Variants in NPNT observed in about 807,000 individuals in gnomAD.
NPNT encodes preosteoblast EGF-like repeat protein with MAM domain.
Under a neutral mutation model 68.6 loss-of-function variants are expected in NPNT, and 45 were observed. That is an observed-to-expected ratio of 0.66 (90% CI 0.52 to 0.84). The LOEUF (loss-of-function observed/expected upper bound fraction) is 0.84, where lower values mean the gene tolerates loss of function less well. Among genes scored for constraint, NPNT ranks in the 40% least tolerant of loss-of-function variants. The probability of loss-of-function intolerance (pLI) is 0.00; values close to 1 mark genes in which losing one functional copy is unlikely to be tolerated. For missense variants in NPNT, 672 were observed against 714.8 expected, an observed-to-expected ratio of 0.94 and a Z score of 0.68; for synonymous variants, 233 against 253.3, an observed-to-expected ratio of 0.92 and a Z score of 0.76.
intron 8 of NPNT, among the ~76,000 whole-genome samples, chr4:105,950,859 G>A (rs1355924029): frequency 6.6e-6 from 1 of 152,178 alleles, no homozygotes; most frequent in Admixed American, 6.5e-5. Context: ...CTGGCCTCAA[G>A]CGATCTGCCT....
chr4:105,955,460 A>G (rs899099404), intron 8 of NPNT, among the ~76,000 whole-genome samples: 1 of 152,226 alleles, frequency 6.6e-6, no homozygotes. Context: ...CAAAATACAA[A>G]TAACAGACAT....
chr4:105,959,155 G>C (rs754905072), intron 10 of NPNT, 29 bp downstream of exon 10: 2 of 1,414,914 alleles, frequency 1.4e-6, no homozygotes, highest in Admixed American at 1.7e-5. Flanking sequence ...ACTTTTTCTG[G>C]TACACATTTC....
intron 4 of NPNT, among the ~76,000 whole-genome samples, chr4:105,937,584 A>G (rs1041804190): frequency 6.6e-6 from 1 of 152,000 alleles, no homozygotes; most frequent in Non-Finnish European, 1.5e-5. Flanking sequence ...AAAAGCCTTT[A>G]GGCTTTTATA....
At chr4:105,898,290 T>TTCTCTCTCTCTCTCTC (rs148494812) in intron 2 of NPNT, among the ~76,000 whole-genome samples, 2 of 94,774 alleles carry the variant, frequency 2.1e-5, no homozygotes, top group South Asian at 3.2e-4. Flanking sequence ...CCAGGTTTAT[T>TTCTCTCTCTCTCTCTC]TCTCTCTCTC....
intron 2 of NPNT, among the ~76,000 whole-genome samples, chr4:105,908,371 A>C (rs1727086595): frequency 6.6e-6 from 1 of 152,146 alleles, no homozygotes; most frequent in Non-Finnish European, 1.5e-5. Context: ...CAGAGCTGAC[A>C]TTACTTTGCT....
At chr4:105,958,941 T>C in intron 9 of NPNT, 87 bp from the exon 10 acceptor site, 1 of 817,210 alleles carries the variant, frequency 1.2e-6, no homozygotes, top group South Asian at 1.4e-5. Flanking sequence ...AGAACACTTG[T>C]TGTCTAGATA....
chr4:105,909,088 C>A (rs1727150131), intron 2 of NPNT, among the ~76,000 whole-genome samples: 1 of 152,006 alleles, frequency 6.6e-6, no homozygotes. Flanking sequence ...TATTTACATA[C>A]CAACAAATAG....
At chr4:105,946,946 G>T (rs1480227137) in intron 8 of NPNT, among the ~76,000 whole-genome samples, 1 of 152,094 alleles carries the variant, frequency 6.6e-6, no homozygotes, top group Non-Finnish European at 1.5e-5. Context: ...AAGCCTGAGG[G>T]TACTGCAAGA....
Position 105,968,275 on chromosome 4 carries a change from AGTATTTTTATT to A in NPNT, c.1603-617_1603-607del, listed in dbSNP as rs371429946. On this transcript the variant is annotated intron_variant, in intron 11 of 11. Coordinates refer to ENST00000379987, the MANE Select transcript of NPNT (RefSeq NM_001033047.3). ...CATATTTTTTCTTAAAACTTTTCTC[AGTATTTTTATT>A]GTTTAGAGAAATAAAACAAGATAAT... Among the ~76,000 whole-genome samples, 1,412 of 152,294 alleles carry A rather than the reference AGTATTTTTATT, an allele frequency of 9.3e-3. 10 individuals are homozygous for A. Among genetic ancestry groups the A allele is most frequent in the Non-Finnish European group, 0.015 (1,018 of 68,012 alleles).
chr4:105,898,464 C>T (rs1414385675), intron 2 of NPNT, among the ~76,000 whole-genome samples: 1 of 151,088 alleles, frequency 6.6e-6, no homozygotes, highest in African/African-American at 2.4e-5. Context: ...GATAATGAGT[C>T]TAGACCGTAT....
intron 2 of NPNT, 40 bp from the exon 3 acceptor site, chr4:105,927,296 C>T (rs754521230): frequency 2.8e-5 from 37 of 1,303,136 alleles, no homozygotes; most frequent in Middle Eastern, 1.8e-4. Flanking sequence ...ATTGGTGTTT[C>T]GTTGACCTAG....
chr4:105,914,433 T>C (rs924505411), intron 2 of NPNT, among the ~76,000 whole-genome samples: 3 of 138,016 alleles, frequency 2.2e-5, no homozygotes, highest in Non-Finnish European at 3.1e-5. Flanking sequence ...ATATATATTA[T>C]ATAAATATTA....
intron 3 of NPNT, among the ~76,000 whole-genome samples, chr4:105,934,123 A>C (rs72968697): frequency 0.023 from 3,503 of 152,266 alleles, 125 homozygotes; most frequent in African/African-American, 0.079. Context: ...TATTTGAGAC[A>C]GTATGATCAA....
At chr4:105,944,071 G>A (rs1177770561) in intron 8 of NPNT, among the ~76,000 whole-genome samples, 1 of 152,106 alleles carries the variant, frequency 6.6e-6, no homozygotes, top group Non-Finnish European at 1.5e-5. Flanking sequence ...CTGGGTAATT[G>A]TCCATTTAAA....
Position 105,897,860 on chromosome 4 carries a change from C to T in NPNT, c.72-41C>T, listed in dbSNP as rs1725992197. ...ATACAGAGGAAATTACCTTTCTTCTCAAAAGTGTCCTTATTTATTTTGAAT... is the reference window on the plus strand; with the variant it reads ...ATACAGAGGAAATTACCTTTCTTCTTAAAAGTGTCCTTATTTATTTTGAAT... On this transcript the variant is annotated intron_variant, in intron 1 of 11. Coordinates refer to ENST00000379987, the MANE Select transcript of NPNT (RefSeq NM_001033047.3). The T allele has an allele frequency of 2.7e-6, 4 of 1,495,490 alleles. No individual in the cohort carries two copies. In the Admixed American group the frequency reaches 5.0e-5, roughly 19 times the overall value. 92.6% of individuals were successfully genotyped at this position (1,495,490 alleles called of 1,614,324 possible). A position where few individuals can be genotyped will look rare whatever the true frequency, so the allele number is the denominator to read the frequency against.
intron 10 of NPNT, among the ~76,000 whole-genome samples, chr4:105,962,064 A>C (rs533387232): frequency 6.6e-6 from 1 of 152,296 alleles, no homozygotes; most frequent in Admixed American, 6.5e-5. Flanking sequence ...TAAGGGTAGA[A>C]GACTTTAGAG....
At chr4:105,900,565 G>T (rs997770774) in intron 2 of NPNT, among the ~76,000 whole-genome samples, 2 of 152,156 alleles carry the variant, frequency 1.3e-5, no homozygotes, top group Admixed American at 1.3e-4. Context: ...AATGTTGCAG[G>T]ATGCTAAAGC....
intron 2 of NPNT, among the ~76,000 whole-genome samples, chr4:105,903,521 C>A (rs1461870768): frequency 6.6e-6 from 1 of 152,112 alleles, no homozygotes; most frequent in East Asian, 1.9e-4. Flanking sequence ...AATTTTTCCA[C>A]CAATCTTTGG....
intron 8 of NPNT, among the ~76,000 whole-genome samples, chr4:105,953,601 G>GGA (rs749228842): frequency 5.3e-5 from 8 of 152,126 alleles, no homozygotes; most frequent in African/African-American, 9.7e-5. Flanking sequence ...GAGAATAGGG[G>GGA]GAGAGAGAGA....
Sources: gnomAD v4.1 joint callset for allele counts (sites outside exome capture counted in the v4.1 genomes callset) on GRCh38, gnomAD v4.1.1 for gene constraint, MANE v1.5 for transcripts, NCBI Gene and HGNC (gene_info 2026-07-23, HGNC 2026-07-21) for gene names.